The following GRM8 variants were observed in gnomAD, a reference collection of about 807,000 sequenced individuals.
GRM8 encodes the protein glutamate metabotropic receptor 8, also known as metabotropic glutamate receptor 8.
GRM8 carries 47 observed loss-of-function variants against 87.2 expected under a neutral mutation model. The observed-to-expected ratio is 0.54, with a 90% confidence interval of 0.43 to 0.69. The LOEUF (loss-of-function observed/expected upper bound fraction) is 0.69, where lower values mean the gene tolerates loss of function less well. Among genes scored for constraint, GRM8 ranks in the 30% least tolerant of loss-of-function variants. The pLI is 0.00. For missense variants in GRM8, 1,019 were observed against 1,139.2 expected (o/e 0.89, Z 1.52); for synonymous variants, 396 against 404.5 (o/e 0.98, Z 0.25).
At position 126,618,268 on chromosome 7, in the gene GRM8, A is replaced by C. The variant is rs541054288; in HGVS notation, c.1358-8770T>G. On this transcript the variant is annotated intron_variant, in intron 7 of 10. Coordinates refer to ENST00000339582, the MANE Select transcript of GRM8 (RefSeq NM_000845.3). The stretch of plus-strand genomic sequence containing the variant: ...CTTTGACAAACCTGACAAAAACAAG[A>C]AATGGGGAAAGGATTCCCTATTTAA... 3.2e-4 allele frequency among the ~76,000 whole-genome samples: 49 copies of C among 152,146 alleles called. No homozygotes were observed. The East Asian group carries it at 5.6e-3, about 17-fold the overall frequency.
chr7:127,076,167 T>G (rs1586928536), intron 3 of GRM8: 1 of 456,568 alleles, frequency 2.2e-6, no homozygotes, highest in Non-Finnish European at 4.4e-6. Flanking sequence ...CAGAAATTGG[T>G]AAACAACTTG....
Position 127,239,118 on chromosome 7 carries a change from T to C in GRM8, c.510+3577A>G, listed in dbSNP as rs555697005. The stretch of plus-strand genomic sequence containing the variant: ...GAAGAAAGTGGTAAATGGGGCTGCA[T>C]GGAAGATGTTGTCTCCTTCACATTT... On this transcript the variant is annotated intron_variant, in intron 2 of 10. Transcript: ENST00000339582. Among the ~76,000 whole-genome samples, 8 of 152,312 alleles carry C rather than the reference T, an allele frequency of 5.3e-5. No individual in the cohort carries two copies. The East Asian group carries it at 1.4e-3, about 26-fold the overall frequency.
intron 3 of GRM8, chr7:127,076,188 G>A (rs1822238081): frequency 2.2e-6 from 1 of 456,480 alleles, no homozygotes; most frequent in African/African-American, 2.0e-5. Flanking sequence ...ACATAGTATA[G>A]CAAAACATTC....
At chr7:126,613,518 C>T (rs771329074) in intron 7 of GRM8, among the ~76,000 whole-genome samples, 11 of 152,154 alleles carry the variant, frequency 7.2e-5, no homozygotes, top group Non-Finnish European at 1.5e-4. Context: ...TGGGGCTTGT[C>T]GGACAGTGTG....
At chr7:126,538,061 C>CA (rs1316259221) in intron 8 of GRM8, among the ~76,000 whole-genome samples, 1 of 151,948 alleles carries the variant, frequency 6.6e-6, no homozygotes, top group Non-Finnish European at 1.5e-5. Context: ...CTTCCAGGGA[C>CA]AAAAAAATGG....
At chr7:126,744,031 A>G (rs1206415048) in intron 7 of GRM8, among the ~76,000 whole-genome samples, 1 of 152,126 alleles carries the variant, frequency 6.6e-6, no homozygotes, top group Admixed American at 6.6e-5. Context: ...AATGGAAAAA[A>G]TAAAAAATTG....
In GRM8 at chr7:126,987,850, ACTT is replaced by A. The variant is rs1309378994; in HGVS notation, c.728-83170_728-83168del. On this transcript the variant is annotated intron_variant, in intron 3 of 10. Coordinates refer to ENST00000339582, the MANE Select transcript of GRM8 (RefSeq NM_000845.3). The stretch of plus-strand genomic sequence containing the variant: ...ACTCAACAGCCAGAGAGTTAAACTA[ACTT>A]CTTATCAAATTACAACACCTAAAAT... Among the ~76,000 whole-genome samples, 5 of 152,248 alleles carry A rather than the reference ACTT, an allele frequency of 3.3e-5. No individual in the cohort carries two copies. The South Asian group carries it at 8.3e-4, about 25-fold the overall frequency.
intron 2 of GRM8, among the ~76,000 whole-genome samples, chr7:127,205,407 G>A (rs1375512972): frequency 2.0e-5 from 3 of 152,132 alleles, no homozygotes; most frequent in Non-Finnish European, 2.9e-5. Flanking sequence ...TTTCTTTGAA[G>A]CCTTCCCCAG....
intron 8 of GRM8, among the ~76,000 whole-genome samples, chr7:126,604,297 A>G (rs923267100): frequency 6.6e-5 from 10 of 152,134 alleles, no homozygotes; most frequent in East Asian, 3.8e-4. Flanking sequence ...TTAAATATCA[A>G]AACAAATACT....
At chr7:126,669,250 G>A (rs1227954724) in intron 7 of GRM8, among the ~76,000 whole-genome samples, 1 of 151,888 alleles carries the variant, frequency 6.6e-6, no homozygotes, top group Non-Finnish European at 1.5e-5. Context: ...CGGTTTCATA[G>A]GTGCAGCAAA....
At chr7:126,913,561 A>G (rs991958183) in intron 3 of GRM8, among the ~76,000 whole-genome samples, 1 of 152,242 alleles carries the variant, frequency 6.6e-6, no homozygotes, top group African/African-American at 2.4e-5. Flanking sequence ...GCAAAACAAA[A>G]TAACCAGGTG....
chr7:127,072,393 C>T (rs1821788263), intron 3 of GRM8, among the ~76,000 whole-genome samples: 3 of 152,148 alleles, frequency 2.0e-5, no homozygotes, highest in Non-Finnish European at 4.4e-5. Flanking sequence ...TAAAAGTTTC[C>T]CATTATCTGT....
chr7:126,588,266 T>G (rs924322468), intron 8 of GRM8, among the ~76,000 whole-genome samples: 1 of 151,932 alleles, frequency 6.6e-6, no homozygotes. Context: ...TCAGTAAGAG[T>G]TTGGTTCTAG....
At chr7:127,169,982 C>G (rs1403315541) in intron 2 of GRM8, among the ~76,000 whole-genome samples, 1 of 152,190 alleles carries the variant, frequency 6.6e-6, no homozygotes, top group African/African-American at 2.4e-5. Context: ...ATTTTCATGC[C>G]TGCTAACACA....
chr7:126,603,792 A>T (rs1563001179), intron 8 of GRM8, among the ~76,000 whole-genome samples: 1 of 152,096 alleles, frequency 6.6e-6, no homozygotes, highest in Non-Finnish European at 1.5e-5. Flanking sequence ...GCATTTTCAC[A>T]TGTAAGCAAC....
chr7:127,124,802 T>C (rs939976441), intron 2 of GRM8, among the ~76,000 whole-genome samples: 5 of 152,004 alleles, frequency 3.3e-5, no homozygotes, highest in African/African-American at 9.7e-5. Flanking sequence ...AACAAAATAT[T>C]GGGAAATCAA....
chr7:127,015,176 G>GAGAAGGAGAAGGAGAAGA (rs1563414139), intron 3 of GRM8, among the ~76,000 whole-genome samples: 2 of 86,976 alleles, frequency 2.3e-5, no homozygotes, highest in African/African-American at 8.4e-5. Context: ...GAAGGAGAAG[G>GAGAAGGAGAAGGAGAAGA]AGAAGAAGAA....
intron 2 of GRM8, among the ~76,000 whole-genome samples, chr7:127,242,385 T>C (rs1798353123): frequency 6.6e-6 from 1 of 152,114 alleles, no homozygotes; most frequent in South Asian, 2.1e-4. Flanking sequence ...GCTTGTTTAA[T>C]TTAAAATGAG....
chr7:126,532,759 A>T (rs2150853613), intron 9 of GRM8, among the ~76,000 whole-genome samples, 193 bp downstream of exon 9: 1 of 120,272 alleles, frequency 8.3e-6, no homozygotes, highest in African/African-American at 3.1e-5. Context: ...ACCTTGACGG[A>T]TGGAGATATA....
Sources: allele counts gnomAD v4.1 joint callset (sites outside exome capture counted in the v4.1 genomes callset), GRCh38; gene constraint gnomAD v4.1.1; transcripts MANE v1.5; gene names NCBI Gene and HGNC (gene_info 2026-07-23, HGNC 2026-07-21).